GAK: variants seen among roughly 807,000 people sequenced by gnomAD.
GAK encodes the protein cyclin G associated kinase.
GAK carries 79 observed loss-of-function variants against 143.9 expected under a neutral mutation model. The observed-to-expected ratio is 0.55, with a 90% CI of 0.46 to 0.66. The LOEUF (loss-of-function observed/expected upper bound fraction) is 0.66, where lower values mean the gene tolerates loss of function less well. Ranked by LOEUF, GAK falls within the 30% of genes least tolerant of loss-of-function variation. The pLI is 0.00. For synonymous variants in GAK, 881 were observed against 765.5 expected, an observed-to-expected ratio of 1.15 and a Z score of -2.49; for missense variants, 1,693 against 1,779.7, an observed-to-expected ratio of 0.95 and a Z score of 0.88.
intron 4 of GAK, among the ~76,000 whole-genome samples, chr4:911,362 C>T (rs543794523): frequency 1.3e-5 from 2 of 152,076 alleles, no homozygotes; most frequent in South Asian, 2.1e-4. Context: ...ACACCACTCA[C>T]GGAAGGCCAC....
At chr4:918,814 C>G (rs1483812464) in intron 1 of GAK, among the ~76,000 whole-genome samples, 1 of 150,980 alleles carries the variant, frequency 6.6e-6, no homozygotes, top group African/African-American at 2.4e-5. Flanking sequence ...CGCCGCATGA[C>G]CTTAGAAAGG....
At chr4:854,014 T>G (rs2152688467) in intron 24 of GAK, among the ~76,000 whole-genome samples, 1 of 152,154 alleles carries the variant, frequency 6.6e-6, no homozygotes, top group East Asian at 1.9e-4. Context: ...GTCAGGCTGG[T>G]CGCGAACTCC....
At chr4:891,381 A>G (rs1477441909) in intron 9 of GAK, among the ~76,000 whole-genome samples, 3 of 151,834 alleles carry the variant, frequency 2.0e-5, no homozygotes, top group Non-Finnish European at 4.4e-5. Context: ...TTAAGCAGAC[A>G]CATGGCCTGT....
intron 10 of GAK, among the ~76,000 whole-genome samples, chr4:890,136 T>C (rs1717348424): frequency 1.3e-5 from 2 of 152,238 alleles, no homozygotes; most frequent in Non-Finnish European, 2.9e-5. Context: ...TCTGTTTCCC[T>C]GGGGCCTTGG....
At position 851,947 on chromosome 4, in the gene GAK, C is replaced by A. The variant is rs1748226535; in HGVS notation, c.3311G>T (p.Gly1104Val). ...CGTGGTGGCCGTTTTGGGAATGAAG[C>A]CCCCAGGAGGGAATCCAGCTGGTGA... ...QGSPAGFPPG[G>V]FIPKTATTPK... The change falls in exon 25 of 28, where the codon GGC becomes GTC. Residue 1104 changes from glycine (G) to valine (V), a missense_variant. Coordinates refer to ENST00000314167, the MANE Select transcript of GAK (RefSeq NM_005255.4). 2.5e-6 allele frequency: 4 copies of A among 1,613,464 alleles called. No individual in the cohort carries two copies. The highest frequency in any genetic ancestry group is 2.5e-6 in the Non-Finnish European group (3 of 1,179,766).
At chr4:852,305 C>A in intron 24 of GAK, 1 of 385,508 alleles carries the variant, frequency 2.6e-6, no homozygotes, top group Non-Finnish European at 4.7e-6. Context: ...CCACGTCACC[C>A]CCAGGAGCCA....
At position 851,931 on chromosome 4, in the gene GAK, C is replaced by T. The variant is rs746694666; in HGVS notation, c.3327G>A (p.Thr1109=). The stretch of plus-strand genomic sequence containing the variant: ...AGCTGCTGCCTTTGGGCGTGGTGGC[C>T]GTTTTGGGAATGAAGCCCCCAGGAG... ...GFPPGGFIPK[T]ATTPKGSSSW... is the part of the protein sequence containing the mutation. Residue 1109 remains threonine, a synonymous_variant, in exon 25 of 28, where the codon ACG becomes ACA. Transcript: ENST00000314167. 19 of 1,613,488 alleles carry T rather than the reference C, an allele frequency of 1.2e-5. No individual in the cohort carries two copies. The highest frequency in any genetic ancestry group is 4.4e-5 in the South Asian group (4 of 91,068).
intron 23 of GAK, among the ~76,000 whole-genome samples, chr4:864,911 T>G (rs1750883180): frequency 1.3e-5 from 2 of 152,224 alleles, no homozygotes; most frequent in African/African-American, 4.8e-5. Flanking sequence ...ACACCAAGTC[T>G]GTGTCCCCAC....
At chr4:906,381 G>A (rs1721085072) in intron 4 of GAK, among the ~76,000 whole-genome samples, 1 of 152,160 alleles carries the variant, frequency 6.6e-6, no homozygotes, top group Non-Finnish European at 1.5e-5. Flanking sequence ...ACACCCCAGG[G>A]AGCCCGTCCT....
chr4:859,498 G>C (rs527531712), intron 24 of GAK, 108 bp downstream of exon 24: 8 of 1,599,958 alleles, frequency 5.0e-6, no homozygotes, highest in Middle Eastern at 1.7e-4. Flanking sequence ...GGGGGTCTTA[G>C]TGAACAGAGG....
At chr4:923,149 G>C (rs1253588790) in intron 1 of GAK, among the ~76,000 whole-genome samples, 1 of 152,180 alleles carries the variant, frequency 6.6e-6, no homozygotes, top group Admixed American at 6.5e-5. Context: ...AGCCTCACCT[G>C]CACCAGGGTT....
At position 888,896 on chromosome 4, in the gene GAK, A is replaced by G; in HGVS notation, c.1156T>C (p.Phe386Leu). ...DILRGGTERL[F>L]TNLKDTSSKV... ...GAGGAGGTGTCCTTGAGGTTGGTGA[A>G]GAGCCGCTCTGTCCCACCCCGCAGA... Residue 386 changes from phenylalanine to leucine, a missense_variant, in exon 11 of 28, where the codon TTC becomes CTC. Coordinates refer to ENST00000314167, the MANE Select transcript of GAK (RefSeq NM_005255.4). 1 of 1,611,922 alleles carries G rather than the reference A, an allele frequency of 6.2e-7. No homozygotes were observed. Among genetic ancestry groups the G allele is most frequent in the East Asian group, 2.2e-5 (1 of 44,816 alleles).
At chr4:859,747 G>C in intron 23 of GAK, 25 bp from the exon 24 acceptor site, 1 of 1,509,184 alleles carries the variant, frequency 6.6e-7, no homozygotes, top group South Asian at 1.2e-5. Flanking sequence ...CAGGGCATTA[G>C]AACAAGCACC....
At chr4:866,325 C>A (rs752529733) in intron 22 of GAK, 39 bp downstream of exon 22, 1 of 1,595,574 alleles carries the variant, frequency 6.3e-7, no homozygotes, top group African/African-American at 1.3e-5. Context: ...CTGAGGGAGG[C>A]GGCCATGGAG....
chr4:885,780 T>C (rs1224363828), intron 11 of GAK: 1 of 152,056 alleles, frequency 6.6e-6, no homozygotes, highest in Non-Finnish European at 1.5e-5. Context: ...TTTTTCATTT[T>C]TTAAATTGAG....
chr4:921,247 C>T (rs1223590304), intron 1 of GAK, among the ~76,000 whole-genome samples: 5 of 152,174 alleles, frequency 3.3e-5, no homozygotes, highest in Non-Finnish European at 7.3e-5. Flanking sequence ...GGACTACAGA[C>T]GTGCGTCACC....
intron 1 of GAK, among the ~76,000 whole-genome samples, 162 bp downstream of exon 1, chr4:931,881 C>A (rs1396573472): frequency 6.6e-6 from 1 of 152,154 alleles, no homozygotes; most frequent in East Asian, 1.9e-4. Context: ...CCCTGACCCA[C>A]GCCCTCGGCA....
At chr4:902,282 G>T (rs552497927) in intron 5 of GAK, among the ~76,000 whole-genome samples, 195 of 151,340 alleles carry the variant, frequency 1.3e-3, no homozygotes, top group African/African-American at 4.6e-3. Context: ...CAGAGACATG[G>T]ACAAAAGTAT....
At chr4:917,194 A>G (rs747831145) in intron 1 of GAK, among the ~76,000 whole-genome samples, 5 of 152,278 alleles carry the variant, frequency 3.3e-5, no homozygotes, top group Non-Finnish European at 5.9e-5. Context: ...AAACTCCAGA[A>G]AACGCAAATG....
Sources: gnomAD v4.1 joint callset for allele counts (sites outside exome capture counted in the v4.1 genomes callset) on GRCh38, gnomAD v4.1.1 for gene constraint, MANE v1.5 for transcripts, NCBI Gene and HGNC (gene_info 2026-07-23, HGNC 2026-07-21) for gene names.